ANGPT1: variants seen among roughly 807,000 people sequenced by gnomAD.
ANGPT1 encodes angiopoietin 1, also known as angiopoietin-1.
ANGPT1 carries 17 observed loss-of-function variants against 62.2 expected under a neutral mutation model. That is an observed-to-expected ratio of 0.27 (90% CI 0.19 to 0.41). The LOEUF (loss-of-function observed/expected upper bound fraction) is 0.41, where lower values mean the gene tolerates loss of function less well. Ranked by LOEUF, ANGPT1 falls within the 10% of genes least tolerant of loss-of-function variation. The pLI, the probability that ANGPT1 is intolerant of heterozygous loss-of-function variation, is 1.00. For missense variants in ANGPT1, 478 were observed against 594.9 expected (o/e 0.80, Z 2.04); for synonymous variants, 199 against 198.9 (o/e 1.00, Z 0.00).
At chr8:107,462,793 C>T (rs1302892386) in intron 1 of ANGPT1, among the ~76,000 whole-genome samples, 1 of 152,042 alleles carries the variant, frequency 6.6e-6, no homozygotes, top group Non-Finnish European at 1.5e-5. Context: ...GACTAACCAA[C>T]CAATCAACCC....
chr8:107,290,279 AGAAAG>A (rs1326305294), intron 6 of ANGPT1, among the ~76,000 whole-genome samples: 1 of 152,198 alleles, frequency 6.6e-6, no homozygotes, highest in Non-Finnish European at 1.5e-5. Context: ...GAGGAAAGGC[AGAAAG>A]GAAAGAGAGA....
At chr8:107,391,985 A>AT (rs1002304706) in intron 1 of ANGPT1, among the ~76,000 whole-genome samples, 1 of 152,304 alleles carries the variant, frequency 6.6e-6, no homozygotes, top group Middle Eastern at 3.4e-3. Context: ...TTCCTCACTG[A>AT]TGGAAATGTT....
At chr8:107,361,776 C>G (rs1816171660) in intron 1 of ANGPT1, among the ~76,000 whole-genome samples, 1 of 151,838 alleles carries the variant, frequency 6.6e-6, no homozygotes, top group Non-Finnish European at 1.5e-5. Flanking sequence ...TCAGCAAAGA[C>G]AGGCTGGCGC....
intron 7 of ANGPT1, among the ~76,000 whole-genome samples, chr8:107,269,898 G>A (rs576759694): frequency 6.6e-6 from 1 of 152,066 alleles, no homozygotes; most frequent in South Asian, 2.1e-4. Flanking sequence ...CATATCATGG[G>A]AAAACTGATG....
chr8:107,482,331 C>G (rs1812708962), intron 1 of ANGPT1, among the ~76,000 whole-genome samples: 1 of 152,130 alleles, frequency 6.6e-6, no homozygotes, highest in African/African-American at 2.4e-5. Context: ...TTTTCCGAAT[C>G]TAGAGATAGT....
At chr8:107,295,962 T>C (rs1009161318) in intron 5 of ANGPT1, among the ~76,000 whole-genome samples, 1 of 152,040 alleles carries the variant, frequency 6.6e-6, no homozygotes. Context: ...GATGAAAAAA[T>C]ACTGAGGTTT....
intron 1 of ANGPT1, among the ~76,000 whole-genome samples, chr8:107,387,848 T>C (rs975367290): frequency 6.6e-6 from 1 of 152,026 alleles, no homozygotes; most frequent in Non-Finnish European, 1.5e-5. Context: ...TCTTTACTTT[T>C]CCCCACAACT....
At chr8:107,264,459 T>C in intron 7 of ANGPT1, 108 bp from the exon 8 acceptor site, 1 of 1,370,432 alleles carries the variant, frequency 7.3e-7, no homozygotes. Context: ...CTTCTTTCTT[T>C]GAACTCAGCC....
intron 1 of ANGPT1, among the ~76,000 whole-genome samples, chr8:107,471,092 C>G (rs202225439): frequency 6.6e-6 from 1 of 151,966 alleles, no homozygotes; most frequent in Non-Finnish European, 1.5e-5. Flanking sequence ...AGACACATGC[C>G]CACGTATGTT....
At chr8:107,385,726 C>T (rs1816719584) in intron 1 of ANGPT1, among the ~76,000 whole-genome samples, 1 of 151,974 alleles carries the variant, frequency 6.6e-6, no homozygotes, top group African/African-American at 2.4e-5. Context: ...ATGGGGAATG[C>T]TTCCAGCTTT....
intron 1 of ANGPT1, among the ~76,000 whole-genome samples, chr8:107,495,413 C>T (rs1813066649): frequency 6.6e-6 from 1 of 152,194 alleles, no homozygotes; most frequent in Admixed American, 6.5e-5. Flanking sequence ...ATTTATTTTG[C>T]AAAATAAATT....
At chr8:107,314,021 A>T (rs1814949405) in intron 4 of ANGPT1, among the ~76,000 whole-genome samples, 1 of 152,182 alleles carries the variant, frequency 6.6e-6, no homozygotes, top group Non-Finnish European at 1.5e-5. Flanking sequence ...GTAAAGTGCC[A>T]TATCTTATCC....
chr8:107,411,276 C>T (rs1408125738), intron 1 of ANGPT1, among the ~76,000 whole-genome samples: 2 of 152,172 alleles, frequency 1.3e-5, no homozygotes, highest in Non-Finnish European at 2.9e-5. Flanking sequence ...CAAATTATTT[C>T]AGCTGGTATT....
chr8:107,320,289 A>G (rs1815120145), intron 4 of ANGPT1, among the ~76,000 whole-genome samples: 1 of 152,136 alleles, frequency 6.6e-6, no homozygotes, highest in South Asian at 2.1e-4. Flanking sequence ...AGACACATTT[A>G]TTAGGCAAAT....
chr8:107,268,987 C>T (rs569055718), intron 7 of ANGPT1, among the ~76,000 whole-genome samples: 1 of 152,184 alleles, frequency 6.6e-6, no homozygotes, highest in South Asian at 2.1e-4. Context: ...GCGGCTTATG[C>T]TCTTCTAAGG....
At chr8:107,278,264 A>C (rs1200152673) in intron 7 of ANGPT1, among the ~76,000 whole-genome samples, 1 of 151,952 alleles carries the variant, frequency 6.6e-6, no homozygotes, top group East Asian at 1.9e-4. Context: ...TTAATTTTTA[A>C]TAGAGACAAA....
At position 107,371,743 on chromosome 8, in the gene ANGPT1, G is replaced by A. The variant is rs549640524; in HGVS notation, c.298-24646C>T. On this transcript the variant is annotated intron_variant, in intron 1 of 8. Transcript: ENST00000517746. ...AGGCACCCACCAGCAGGCCTGTGGTGCCGGGCATTCTTATGCTGTCTTCCA... is the reference window on the plus strand; with the variant it reads ...AGGCACCCACCAGCAGGCCTGTGGTACCGGGCATTCTTATGCTGTCTTCCA... Among the ~76,000 whole-genome samples, 60 of 151,954 alleles carry A rather than the reference G, an allele frequency of 3.9e-4. 1 individual carries two copies. The highest frequency in any genetic ancestry group is 3.7e-3 in the Admixed American group (56 of 15,244).
chr8:107,310,767 G>A (rs537341125), intron 4 of ANGPT1, among the ~76,000 whole-genome samples: 6 of 152,230 alleles, frequency 3.9e-5, no homozygotes, highest in Admixed American at 6.5e-5. Flanking sequence ...TACCCTTAAA[G>A]TCACACTGAC....
At chr8:107,257,557 T>G (rs374453542) in intron 8 of ANGPT1, among the ~76,000 whole-genome samples, 84 of 152,310 alleles carry the variant, frequency 5.5e-4, no homozygotes, top group African/African-American at 1.9e-3. Flanking sequence ...GGTATATTTG[T>G]TTTTGTAGAT....
Sources: allele counts gnomAD v4.1 joint callset (sites outside exome capture counted in the v4.1 genomes callset), GRCh38; gene constraint gnomAD v4.1.1; transcripts MANE v1.5; gene names NCBI Gene and HGNC (gene_info 2026-07-23, HGNC 2026-07-21).